RTKN2: variants seen among roughly 807,000 people sequenced by gnomAD.
RTKN2 encodes the protein rhotekin-2.
Under a neutral mutation model 71.5 loss-of-function variants are expected in RTKN2, and 69 were observed. The observed-to-expected ratio is 0.96, with a 90% CI of 0.79 to 1.18. The LOEUF (loss-of-function observed/expected upper bound fraction) is 1.18, where lower values mean the gene tolerates loss of function less well. Among genes scored for constraint, RTKN2 ranks in the 50% most tolerant of loss-of-function variants. RTKN2 has a pLI of 0.00. For missense variants in RTKN2, 724 were observed against 719.7 expected, an observed-to-expected ratio of 1.01 and a Z score of -0.07; for synonymous variants, 236 against 236.5, an observed-to-expected ratio of 1.00 and a Z score of 0.02.
chr10:62,227,088 C>CAATAAGTGG (rs1842041385), intron 6 of RTKN2, among the ~76,000 whole-genome samples: 1 of 152,166 alleles, frequency 6.6e-6, no homozygotes, highest in African/African-American at 2.4e-5. Context: ...AGATTATCGA[C>CAATAAGTGG]AATAAGTGGG....
In RTKN2 at chr10:62,197,728, A is replaced by T. The variant is rs1841356964; in HGVS notation, c.*180T>A. 10 of 1,409,734 alleles carry T rather than the reference A, an allele frequency of 7.1e-6. No individual in the cohort carries two copies. Among genetic ancestry groups the T allele is most frequent in the Non-Finnish European group, 9.2e-6 (10 of 1,088,374 alleles). The allele number at this position is 1,409,734 out of a possible 1,614,324, so 87.3% of individuals were successfully genotyped here. ...TGGAGAAATCACTTACATTCTGCAA[A>T]TCAGGAGTAAAAGAGAAATCCACTT... On this transcript the variant is annotated 3_prime_UTR_variant, in exon 12 of 12. Transcript: ENST00000373789.
intron 2 of RTKN2, among the ~76,000 whole-genome samples, chr10:62,249,826 T>C (rs559177298): frequency 1.3e-5 from 2 of 152,200 alleles, no homozygotes; most frequent in Non-Finnish European, 2.9e-5. Flanking sequence ...ACTTTCTGAG[T>C]ATTTATATTT....
intron 7 of RTKN2, among the ~76,000 whole-genome samples, chr10:62,219,747 G>C (rs1180856911): frequency 2.6e-5 from 4 of 151,860 alleles, no homozygotes; most frequent in African/African-American, 9.7e-5. Context: ...CCAGGAGTTT[G>C]AGGCCAGACT....
At chr10:62,224,856 G>T (rs1341698481) in intron 6 of RTKN2, among the ~76,000 whole-genome samples, 2 of 152,146 alleles carry the variant, frequency 1.3e-5, no homozygotes, top group Non-Finnish European at 2.9e-5. Flanking sequence ...CAGCAAGCAA[G>T]CAGCAAGCAT....
At chr10:62,239,828 C>G (rs1457731657) in intron 4 of RTKN2, 63 bp from the exon 5 acceptor site, 7 of 807,332 alleles carry the variant, frequency 8.7e-6, no homozygotes, top group African/African-American at 1.8e-5. Context: ...TTAAAATCTA[C>G]TTGAAAATAA....
chr10:62,211,994 ATCCT>A (rs1286049234), intron 9 of RTKN2, among the ~76,000 whole-genome samples: 2 of 152,038 alleles, frequency 1.3e-5, no homozygotes, highest in Non-Finnish European at 2.9e-5. Flanking sequence ...GTTTTACTTG[ATCCT>A]TACCTGCTGT....
chr10:62,255,917 C>T (rs1193612917), intron 2 of RTKN2, among the ~76,000 whole-genome samples: 1 of 151,912 alleles, frequency 6.6e-6, no homozygotes, highest in Non-Finnish European at 1.5e-5. Flanking sequence ...CCATCTATGG[C>T]AAAAACACAG....
Position 62,246,062 on chromosome 10 carries a change from C to A in RTKN2, c.258-5G>T. ...TTACTTTCAAATTTCACATCACTGT[C>A]AAAACAAAAAAACTTATGGAAAAAA... On this transcript the variant is annotated splice_region_variant and splice_polypyrimidine_tract_variant and intron_variant, in intron 2 of 11. Coordinates refer to ENST00000373789, the MANE Select transcript of RTKN2 (RefSeq NM_145307.4). 2 of 1,569,434 alleles carry A rather than the reference C, an allele frequency of 1.3e-6. No individual in the cohort carries two copies. Among genetic ancestry groups the A allele is most frequent in the South Asian group, 2.3e-5 (2 of 85,454 alleles).
intron 6 of RTKN2, among the ~76,000 whole-genome samples, chr10:62,224,217 G>A (rs546965417): frequency 1.2e-4 from 18 of 151,956 alleles, no homozygotes; most frequent in Non-Finnish European, 2.1e-4. Context: ...TGTTCAATAG[G>A]TACAGAATTT....
At chr10:62,236,586 C>A (rs1340595701) in intron 5 of RTKN2, among the ~76,000 whole-genome samples, 1 of 152,010 alleles carries the variant, frequency 6.6e-6, no homozygotes, top group African/African-American at 2.4e-5. Flanking sequence ...TGGGTTTATA[C>A]TGGAAGGAGT....
Position 62,268,606 on chromosome 10 carries a change from T to C in RTKN2, c.5A>G (p.Glu2Gly). The C allele has an allele frequency of 8.3e-6, 13 of 1,563,150 alleles. No individual in the cohort carries two copies. The highest frequency in any genetic ancestry group is 1.1e-5 in the Non-Finnish European group (13 of 1,153,730). M[E>G]GPSLRGPALR... is the part of the protein sequence containing the mutation. ...CGCAGGACCCCTCAGGCTCGGCCCC[T>C]CCATCTCCAACGCGAACTGTCCGGG... The change falls in exon 1 of 12, where the codon GAG (glutamate) becomes GGG (glycine). Residue 2 changes from glutamate (E) to glycine (G), a missense_variant. Coordinates refer to ENST00000373789, the MANE Select transcript of RTKN2 (RefSeq NM_145307.4).
intron 6 of RTKN2, among the ~76,000 whole-genome samples, chr10:62,233,631 G>T (rs968986767): frequency 2.6e-5 from 4 of 152,012 alleles, no homozygotes; most frequent in Admixed American, 6.6e-5. Context: ...ATTGTAAATA[G>T]TAAGGGTTAA....
chr10:62,243,579 G>A (rs553636446), intron 3 of RTKN2, among the ~76,000 whole-genome samples: 5 of 152,166 alleles, frequency 3.3e-5, no homozygotes, highest in Non-Finnish European at 7.4e-5. Context: ...CCGAAGAGAG[G>A]AGGGTAGATA....
chr10:62,254,574 T>C (rs1165420202), intron 2 of RTKN2, among the ~76,000 whole-genome samples: 1 of 152,186 alleles, frequency 6.6e-6, no homozygotes, highest in African/African-American at 2.4e-5. Flanking sequence ...GGGATGTACA[T>C]ATATGTGTAT....
Position 62,268,552 on chromosome 10 carries a change from T to C in RTKN2, c.59A>G (p.Gln20Arg). The stretch of plus-strand genomic sequence containing the variant: ...GGCAGGGTCCCTCCCGCAACTCACC[T>C]GCTGGGTGGGAAGCCCCGCCAGGCG... Reference protein sequence around the residue: ...ALRLAGLPTQQDCNIQEKIDL... With the variant: ...ALRLAGLPTQRDCNIQEKIDL... The change falls in exon 1 of 12, where the codon CAG (glutamine) becomes CGG (arginine). Residue 20 changes from glutamine (Q) to arginine (R), a missense_variant and splice_region_variant. Transcript: ENST00000373789. 6.4e-7 allele frequency: 1 copy of C among 1,557,290 alleles called. No homozygotes were observed. The highest frequency in any genetic ancestry group is 8.7e-7 in the Non-Finnish European group (1 of 1,150,280).
chr10:62,234,330 G>A (rs1175214814), intron 6 of RTKN2, among the ~76,000 whole-genome samples: 1 of 151,926 alleles, frequency 6.6e-6, no homozygotes, highest in Non-Finnish European at 1.5e-5. Flanking sequence ...GTTGAGATCA[G>A]CCTGAGCAAT....
rs1564494833 is a variant in RTKN2, at chr10:62,193,519, TGTAAA to T, written c.*4384_*4388del. The T allele has an allele frequency of 4.1e-6, 4 of 982,328 alleles. No individual in the cohort carries two copies. Among genetic ancestry groups the T allele is most frequent in the African/African-American group, 1.7e-5 (1 of 57,180 alleles). The allele number at this position is 982,328 out of a possible 1,614,324, so 60.9% of individuals were successfully genotyped here. A position where few individuals can be genotyped will look rare whatever the true frequency, so the allele number is the denominator to read the frequency against. On this transcript the variant is annotated 3_prime_UTR_variant, in exon 12 of 12. Coordinates refer to ENST00000373789, the MANE Select transcript of RTKN2 (RefSeq NM_145307.4). ...GCACATTGATTAGTAGGCCTCTCTC[TGTAAA>T]GTATTTTTTTAATTTTAAATATTTC...
In RTKN2 at chr10:62,204,988, T is replaced by G. The variant is rs781299129; in HGVS notation, c.1055A>C (p.Lys352Thr). The change falls in exon 10 of 12, where the codon AAG (lysine) becomes ACG (threonine). Residue 352 changes from lysine to threonine, a missense_variant. Physicochemically the swap from Lys to Thr is moderately conservative, Grantham distance 78. Coordinates refer to ENST00000373789, the MANE Select transcript of RTKN2 (RefSeq NM_145307.4). Reference sequence around the variant, plus strand: ...GACAGAGAAATTATGGATTCTTTTCTTGGCATCCTTATCCATTGCCCGGAT... The same window carrying G: ...GACAGAGAAATTATGGATTCTTTTCGTGGCATCCTTATCCATTGCCCGGAT... The part of the protein sequence containing the change: ...TRIRAMDKDA[K>T]KRIHNFSVIN... The G allele has an allele frequency of 6.3e-7, 1 of 1,599,892 alleles. No individual in the cohort carries two copies. The highest frequency in any genetic ancestry group is 1.2e-5 in the South Asian group (1 of 86,484).
intron 9 of RTKN2, among the ~76,000 whole-genome samples, chr10:62,208,710 C>T (rs748786639): frequency 1.3e-5 from 2 of 152,112 alleles, no homozygotes; most frequent in Non-Finnish European, 2.9e-5. Flanking sequence ...ACCCCAAGCA[C>T]TTTTCCTGTC....
Sources: gnomAD v4.1 joint callset for allele counts (sites outside exome capture counted in the v4.1 genomes callset) on GRCh38, gnomAD v4.1.1 for gene constraint, MANE v1.5 for transcripts, NCBI Gene and HGNC (gene_info 2026-07-23, HGNC 2026-07-21) for gene names.